RASGRF1: variants seen among roughly 807,000 people sequenced by gnomAD.
The protein encoded by RASGRF1 is ras-specific guanine nucleotide-releasing factor 1.
RASGRF1 carries 40 observed loss-of-function variants against 138.7 expected under a neutral mutation model. That is an observed-to-expected ratio of 0.29 (90% CI 0.22 to 0.38). The LOEUF (loss-of-function observed/expected upper bound fraction) is 0.38. RASGRF1 is among the 10% of genes least tolerant of loss of function. The pLI is 1.00. For missense variants in RASGRF1, 1,108 were observed against 1,650.4 expected (o/e 0.67, Z 5.69); for synonymous variants, 614 against 663.2 (o/e 0.93, Z 1.14).
At chr15:79,001,215 G>A (rs1331689939) in intron 16 of RASGRF1, among the ~76,000 whole-genome samples, 1 of 151,954 alleles carries the variant, frequency 6.6e-6, no homozygotes, top group Non-Finnish European at 1.5e-5. Flanking sequence ...TCTGTGCAGA[G>A]CCTGGCACTC....
At position 79,006,439 on chromosome 15, in the gene RASGRF1, G is replaced by A. The variant is rs748885034; in HGVS notation, c.1827-5C>T. On this transcript the variant is annotated splice_region_variant and splice_polypyrimidine_tract_variant and intron_variant, in intron 13 of 26. Coordinates refer to ENST00000558480, the MANE Select transcript of RASGRF1 (RefSeq NM_001145648.3). The surrounding 1 kb of genome is among the most constrained non-coding windows in gnomAD (Gnocchi z 4.0). ...CAATATAAGGAGGCGTCGGACCTGA[G>A]AGGGGAGGAAGGATGCAGAGGTGAT... 1 of 1,608,746 alleles carries A rather than the reference G, an allele frequency of 6.2e-7. No homozygotes were observed. The highest frequency in any genetic ancestry group is 2.2e-5 in the East Asian group (1 of 44,830).
At chr15:78,991,317 T>C (rs1172993706) in intron 21 of RASGRF1, among the ~76,000 whole-genome samples, 2 of 152,168 alleles carry the variant, frequency 1.3e-5, no homozygotes, top group African/African-American at 4.8e-5. Context: ...TCCACGCCTG[T>C]CCCCTAAATC....
intron 5 of RASGRF1, among the ~76,000 whole-genome samples, chr15:79,042,608 A>G (rs552987850): frequency 6.6e-6 from 1 of 152,364 alleles, no homozygotes; most frequent in Admixed American, 6.5e-5. Flanking sequence ...TTAACAAGGC[A>G]GCAGGGGGAA....
chr15:79,063,223 C>G (rs1485801127), intron 2 of RASGRF1, among the ~76,000 whole-genome samples: 1 of 152,226 alleles, frequency 6.6e-6, no homozygotes, highest in Admixed American at 6.5e-5. Context: ...CCATCTGTCT[C>G]CCAGCACTGT....
intron 10 of RASGRF1, 61 bp downstream of exon 10, chr15:79,025,253 A>G: frequency 6.6e-7 from 1 of 1,513,100 alleles, no homozygotes; most frequent in Admixed American, 2.1e-5. Context: ...CCCTCTGGCC[A>G]GGACAGCGCC....
intron 20 of RASGRF1, among the ~76,000 whole-genome samples, chr15:78,992,390 T>C (rs895156948): frequency 2.0e-5 from 3 of 152,200 alleles, no homozygotes; most frequent in African/African-American, 7.2e-5. Context: ...GATTCCACTA[T>C]TTGGGCCCTT....
At chr15:79,019,989 T>G in intron 11 of RASGRF1, 52 bp downstream of exon 11, 1 of 1,598,398 alleles carries the variant, frequency 6.3e-7, no homozygotes, top group Non-Finnish European at 8.6e-7. Flanking sequence ...GGAGTGAGCG[T>G]GTGTGTATCT....
intron 26 of RASGRF1, among the ~76,000 whole-genome samples, chr15:78,968,630 G>A (rs907429218): frequency 8.6e-5 from 13 of 152,032 alleles, no homozygotes; most frequent in African/African-American, 3.1e-4. Context: ...ATTGCTAAAA[G>A]ACATTGATAT....
intron 15 of RASGRF1, among the ~76,000 whole-genome samples, 165 bp downstream of exon 15, chr15:79,003,637 G>A (rs188572157): frequency 4.9e-4 from 75 of 152,336 alleles, no homozygotes; most frequent in Admixed American, 2.2e-3. Flanking sequence ...TCTCTGCACC[G>A]CCCAGACTCT....
rs189849734 is a variant in RASGRF1, at chr15:79,086,133, T to C, written c.276+4090A>G. Among the ~76,000 whole-genome samples the C allele has an allele frequency of 2.6e-4, 39 of 152,296 alleles. No individual in the cohort carries two copies. In the East Asian group the frequency reaches 7.0e-3, roughly 27 times the overall value. ...TGGTCTGGAACGGGTTGGGTAGTCT[T>C]GCTGGTTTCCTATAGGTGCAAGCAT... On this transcript the variant is annotated intron_variant, in intron 1 of 26. Coordinates refer to ENST00000558480, the MANE Select transcript of RASGRF1 (RefSeq NM_001145648.3).
At chr15:79,081,252 G>A (rs982322278) in intron 1 of RASGRF1, among the ~76,000 whole-genome samples, 1 of 152,240 alleles carries the variant, frequency 6.6e-6, no homozygotes, top group African/African-American at 2.4e-5. Flanking sequence ...GTTATTAATG[G>A]CCCACCACTA....
intron 5 of RASGRF1, among the ~76,000 whole-genome samples, chr15:79,041,728 G>A (rs570851600): frequency 1.3e-5 from 2 of 152,324 alleles, no homozygotes; most frequent in Non-Finnish European, 1.5e-5. Flanking sequence ...AGGCAGATAG[G>A]ACTGGGCAGG....
At chr15:78,991,498 C>G in intron 21 of RASGRF1, among the ~76,000 whole-genome samples, 193 bp downstream of exon 21, 1 of 152,154 alleles carries the variant, frequency 6.6e-6, no homozygotes, top group East Asian at 1.9e-4. Flanking sequence ...GTGCAGCTGA[C>G]AGGTAAGGAG....
intron 10 of RASGRF1, among the ~76,000 whole-genome samples, chr15:79,021,363 G>A (rs2056958804): frequency 1.3e-5 from 2 of 152,318 alleles, no homozygotes; most frequent in African/African-American, 2.4e-5. Flanking sequence ...AGGCAAAGTG[G>A]ACCACCAAAC....
At chr15:79,010,217 T>C (rs951988513) in intron 13 of RASGRF1, among the ~76,000 whole-genome samples, 1 of 152,042 alleles carries the variant, frequency 6.6e-6, no homozygotes, top group African/African-American at 2.4e-5. Context: ...TTTGTATTTT[T>C]AGTAGAGATG....
chr15:79,032,374 C>G lies in RASGRF1; in HGVS notation c.959-58G>C. 1.3e-6 allele frequency: 2 copies of G among 1,547,232 alleles called. No homozygotes were observed. The highest frequency in any genetic ancestry group is 1.8e-6 in the Non-Finnish European group (2 of 1,129,200). ...GGCAGCTTGGTGGGGACAGAATCCC[C>G]TAGGCCCTTGGCTCCCCCAGCTACA... On this transcript the variant is annotated intron_variant, in intron 6 of 26. Coordinates refer to ENST00000558480, the MANE Select transcript of RASGRF1 (RefSeq NM_001145648.3). This position sits in a 1 kb window ranked among gnomAD's most constrained non-coding sequence, Gnocchi z 4.5.
intron 4 of RASGRF1, among the ~76,000 whole-genome samples, chr15:79,047,554 G>C (rs192927165): frequency 6.6e-6 from 1 of 152,314 alleles, no homozygotes; most frequent in Non-Finnish European, 1.5e-5. Context: ...ACGGAACATG[G>C]AAAATTAGTT....
In RASGRF1 at chr15:78,962,079, C is replaced by A; in HGVS notation, c.*65G>T. 2 of 1,013,266 alleles carry A rather than the reference C, an allele frequency of 2.0e-6. No individual in the cohort carries two copies. The highest frequency in any genetic ancestry group is 3.0e-6 in the Non-Finnish European group (2 of 669,914). 62.8% of individuals were successfully genotyped at this position (1,013,266 alleles called of 1,614,324 possible). A position where few individuals can be genotyped will look rare whatever the true frequency, so the allele number is the denominator to read the frequency against. On this transcript the variant is annotated 3_prime_UTR_variant, in exon 27 of 27. Transcript: ENST00000558480. ...AAGAAGAAAATCCAGTGAAACCAAA[C>A]GAATATGTACAGTATCATCTAGCAC...
chr15:79,072,145 T>A (rs2057765200), intron 1 of RASGRF1, among the ~76,000 whole-genome samples: 3 of 152,072 alleles, frequency 2.0e-5, no homozygotes, highest in African/African-American at 7.2e-5. Context: ...CTCAGCTCCC[T>A]GGAGCTCTGA....
Sources: allele counts gnomAD v4.1 joint callset (sites outside exome capture counted in the v4.1 genomes callset), GRCh38; gene constraint gnomAD v4.1.1; non-coding constraint Gnocchi (gnomAD v3.1); transcripts MANE v1.5; gene names NCBI Gene and HGNC (gene_info 2026-07-23, HGNC 2026-07-21).